The following DNMT1 variants were observed in gnomAD, a reference collection of about 807,000 sequenced individuals.
DNMT1 encodes DNA (cytosine-5)-methyltransferase 1.
A neutral mutation model predicts 205.3 loss-of-function variants in DNMT1; 24 were observed. The ratio of observed to expected loss-of-function variants is 0.12; its 90% confidence interval spans 0.08 to 0.16. The LOEUF (loss-of-function observed/expected upper bound fraction) is 0.16. Among genes scored for constraint, DNMT1 ranks in the 10% least tolerant of loss-of-function variants. DNMT1 has a pLI of 1.00. For missense variants in DNMT1, 1,293 were observed against 2,177.7 expected, an observed-to-expected ratio of 0.59 and a Z score of 8.09; for synonymous variants, 817 against 839.8, an observed-to-expected ratio of 0.97 and a Z score of 0.47.
At chr19:10,173,944 C>T (rs769811113) in intron 7 of DNMT1, 39 bp from the exon 8 acceptor site, 2 of 1,605,916 alleles carry the variant, frequency 1.2e-6, no homozygotes, top group Non-Finnish European at 1.7e-6. Flanking sequence ...GATTAGAATA[C>T]TGGTTTCAAG....
intron 1 of DNMT1, among the ~76,000 whole-genome samples, chr19:10,183,126 T>TATACGTGTGTGTATATATATATA: frequency 1.1e-5 from 1 of 90,942 alleles, no homozygotes; most frequent in African/African-American, 4.2e-5. Context: ...TATATATATA[T>TATACGTGTGTGTATATATATATA]TTTTTTTTTT....
chr19:10,149,765 A>G, intron 25 of DNMT1, 88 bp downstream of exon 25: 1 of 1,605,266 alleles, frequency 6.2e-7, no homozygotes. Flanking sequence ...CTAGGGCAAA[A>G]AGCTGCTGGT....
intron 7 of DNMT1, 87 bp downstream of exon 7, chr19:10,175,453 A>T (rs771094962): frequency 2.0e-4 from 300 of 1,528,634 alleles, no homozygotes; most frequent in Non-Finnish European, 2.6e-4. Flanking sequence ...CAGGGTTTTT[A>T]TTTACTTGGA....
In DNMT1 at chr19:10,148,955, C is replaced by G. The variant is rs764724670; in HGVS notation, c.2649G>C (p.Leu883=). The G allele has an allele frequency of 4.1e-5, 66 of 1,614,066 alleles. No individual in the cohort carries two copies. Among genetic ancestry groups the G allele is most frequent in the Admixed American group, 3.3e-4 (20 of 59,996 alleles). Residue 883 remains leucine (L), a synonymous_variant, in exon 27 of 41, where the codon CTG becomes CTC. Transcript: ENST00000359526. ...ATCTCGCGTAGTCTTGATCATACCA[C>G]AGCTGGTAGAAGTAGGTCTTCCCGT... is the stretch of plus-strand genomic sequence containing the variant. ...GDDGKTYFYQ[L]WYDQDYARFE... is the part of the protein sequence containing the mutation.
In DNMT1 at chr19:10,143,917, A is replaced by G. The variant is rs2089650313; in HGVS notation, c.2965T>C (p.Tyr989His). ...PVDEDLYPEH[Y>H]RKYSDYIKGS... is the part of the protein sequence containing the mutation. ...TTGATGTAGTCGGAGTATTTCCGGT[A>G]GTGCTCTGGGTACAGGTCCTCATCC... is the stretch of plus-strand genomic sequence containing the variant. Residue 989 changes from tyrosine to histidine, a missense_variant, in exon 29 of 41, where the codon TAC becomes CAC. By Grantham distance (83) the Tyr-to-His change is moderately conservative. This residue lies in a region of DNMT1 where 167 missense variants were observed against 258.1 expected (regional missense o/e 0.65). Transcript: ENST00000359526. 4 of 1,614,132 alleles carry G rather than the reference A, an allele frequency of 2.5e-6. No individual in the cohort carries two copies. Among genetic ancestry groups the G allele is most frequent in the Non-Finnish European group, 3.4e-6 (4 of 1,180,032 alleles).
chr19:10,152,323 C>T lies in DNMT1; in HGVS notation c.2020-476G>A, dbSNP rs534449495. ...CAGCCCTTAGCAACAATGAAACAAA[C>T]GGTGAATTAAGACTTTTAGGCTGGG... On this transcript the variant is annotated intron_variant, in intron 22 of 40. Coordinates refer to ENST00000359526, the MANE Select transcript of DNMT1 (RefSeq NM_001130823.3). Among the ~76,000 whole-genome samples the T allele has an allele frequency of 4.9e-5, 7 of 143,762 alleles. No homozygotes were observed. In the South Asian group the frequency reaches 6.6e-4, roughly 14 times the overall value. The allele number at this position is 143,762 out of a possible 152,430, so 94.3% of individuals were successfully genotyped here. A position where few individuals can be genotyped will look rare whatever the true frequency, so the allele number is the denominator to read the frequency against.
At chr19:10,155,980 G>C (rs2038448907) in intron 18 of DNMT1, 35 bp from the exon 19 acceptor site, 1 of 1,600,174 alleles carries the variant, frequency 6.2e-7, no homozygotes. Flanking sequence ...TAAAGGCTCT[G>C]ACTCACATCC....
chr19:10,141,039 G>A, intron 31 of DNMT1, 66 bp downstream of exon 31: 1 of 1,612,814 alleles, frequency 6.2e-7, no homozygotes. Flanking sequence ...TTTACACTGA[G>A]GGATTCACAG....
intron 38 of DNMT1, 46 bp from the exon 39 acceptor site, chr19:10,135,898 G>T (rs1272975584): frequency 2.0e-6 from 3 of 1,532,564 alleles, no homozygotes; most frequent in Non-Finnish European, 2.6e-6. Flanking sequence ...CACCCAGGCC[G>T]GGTCACCGTC....
chr19:10,159,753 C>G lies in DNMT1; in HGVS notation c.1185G>C (p.Gln395His). ...TGGACAGCTTCTCATTTGTCAGCAT[C>G]TGTGGCTCATCCACCTGAAGGACAC... The part of the protein sequence containing the change: ...QHPPDAVDEP[Q>H]MLTNEKLSIF... The change falls in exon 17 of 41, where the codon CAG (glutamine) becomes CAC (histidine). Residue 395 changes from glutamine to histidine, a missense_variant. Gln to His is a conservative substitution (Grantham distance 24, BLOSUM62 0). This residue lies in a region of DNMT1 where 120 missense variants were observed against 315.9 expected (regional missense o/e 0.38). Coordinates refer to ENST00000359526, the MANE Select transcript of DNMT1 (RefSeq NM_001130823.3). The surrounding 1 kb of genome is among the most constrained non-coding windows in gnomAD (Gnocchi z 5.0). 6.2e-7 allele frequency: 1 copy of G among 1,614,244 alleles called. No homozygotes were observed. Among genetic ancestry groups the G allele is most frequent in the Non-Finnish European group, 8.5e-7 (1 of 1,180,048 alleles).
chr19:10,173,225 C>T, intron 8 of DNMT1, 51 bp from the exon 9 acceptor site: 1 of 1,592,240 alleles, frequency 6.3e-7, no homozygotes, highest in Admixed American at 1.7e-5. Context: ...GGAGCTTCCC[C>T]AAAGAAGCAG....
chr19:10,182,218 G>C (rs532976919), intron 1 of DNMT1, 141 bp from the exon 2 acceptor site: 1 of 824,062 alleles, frequency 1.2e-6, no homozygotes, highest in African/African-American at 1.7e-5. Flanking sequence ...GCTGGCTTTT[G>C]TCTCCCCGCA....
chr19:10,185,438 A>AG (rs2039159619), intron 1 of DNMT1, among the ~76,000 whole-genome samples: 1 of 151,736 alleles, frequency 6.6e-6, no homozygotes, highest in Admixed American at 6.6e-5. Context: ...AAAAAAAAAA[A>AG]AAGACTGCTC....
chr19:10,151,970 G>A lies in DNMT1; in HGVS notation c.2020-123C>T. The A allele has an allele frequency of 4.5e-6, 4 of 891,078 alleles. No homozygotes were observed. The highest frequency in any genetic ancestry group is 7.4e-6 in the Non-Finnish European group (4 of 543,442). 55.2% of individuals were successfully genotyped at this position (891,078 alleles called of 1,614,324 possible). Reference sequence around the variant, plus strand: ...AGGTCAGGAATTGCAGACCAGCCTGGCCAACGTGGTGAAACCCCATCTCTA... The same window carrying A: ...AGGTCAGGAATTGCAGACCAGCCTGACCAACGTGGTGAAACCCCATCTCTA... On this transcript the variant is annotated intron_variant, in intron 22 of 40. Transcript: ENST00000359526. The surrounding 1 kb of genome is among the most constrained non-coding windows in gnomAD (Gnocchi z 5.0).
At chr19:10,175,444 A>G in intron 7 of DNMT1, 96 bp downstream of exon 7, 1 of 1,442,858 alleles carries the variant, frequency 6.9e-7, no homozygotes, top group South Asian at 1.2e-5. Flanking sequence ...AGCCCTAGAC[A>G]GGGTTTTTAT....
intron 6 of DNMT1, among the ~76,000 whole-genome samples, chr19:10,176,476 A>T (rs1159958783): frequency 6.6e-6 from 1 of 152,226 alleles, no homozygotes; most frequent in Non-Finnish European, 1.5e-5. Context: ...CAAAGGGAAA[A>T]ACGTAAATAC....
chr19:10,148,435 G>C (rs2038253385), intron 27 of DNMT1, among the ~76,000 whole-genome samples: 1 of 149,466 alleles, frequency 6.7e-6, no homozygotes, highest in African/African-American at 2.5e-5. Flanking sequence ...AGCTGAGTTT[G>C]CAGTAAGCCA....
rs766009733 is a variant in DNMT1, at chr19:10,163,275, G to A, written c.926+51C>T. 3 of 1,605,886 alleles carry A rather than the reference G, an allele frequency of 1.9e-6. No homozygotes were observed. The South Asian group carries it at 3.3e-5, about 18-fold the overall frequency. On this transcript the variant is annotated intron_variant, in intron 12 of 40. Transcript: ENST00000359526. ...AGCCACCACACCTGGCCTAGAACAG[G>A]CTTTCTACTGATCCAGATGACACAA...
At chr19:10,157,397 T>TCAAACAC (rs1366688555) in intron 17 of DNMT1, among the ~76,000 whole-genome samples, 2 of 152,188 alleles carry the variant, frequency 1.3e-5, no homozygotes, top group African/African-American at 4.8e-5. Flanking sequence ...GGCATAAATC[T>TCAAACAC]CAAACACCTG....
Sources: gnomAD v4.1 joint callset for allele counts (sites outside exome capture counted in the v4.1 genomes callset) on GRCh38, gnomAD v4.1.1 for gene constraint, gnomAD v4.1.1 regional missense constraint, Gnocchi (gnomAD v3.1) non-coding constraint, MANE v1.5 for transcripts, NCBI Gene and HGNC (gene_info 2026-07-23, HGNC 2026-07-21) for gene names.